The following XKR9 variants were observed in gnomAD, a reference collection of about 807,000 sequenced individuals.
The protein encoded by XKR9 is XK related 9.
Under a neutral mutation model 32.0 loss-of-function variants are expected in XKR9, and 32 were observed. That is an observed-to-expected ratio of 1.00 (90% CI 0.76 to 1.34). The LOEUF (loss-of-function observed/expected upper bound fraction) is 1.34, where lower values mean the gene tolerates loss of function less well. Ranked by LOEUF, XKR9 falls within the 40% of genes most tolerant of loss-of-function variation. The pLI, the probability that XKR9 is intolerant of heterozygous loss-of-function variation, is 0.00. For synonymous variants in XKR9, 168 were observed against 143.4 expected, an observed-to-expected ratio of 1.17 and a Z score of -1.22; for missense variants, 546 against 429.7, an observed-to-expected ratio of 1.27 and a Z score of -2.39.
downstream of XKR9, among the ~76,000 whole-genome samples, chr8:70,790,988 C>T (rs1024652950): frequency 6.6e-6 from 1 of 152,016 alleles, no homozygotes; most frequent in Non-Finnish European, 1.5e-5. Context: ...ATCCCATTCA[C>T]GTGGTCAGAG....
the XKR9 span, among the ~76,000 whole-genome samples, chr8:70,938,766 C>T: frequency 6.6e-6 from 1 of 152,158 alleles, no homozygotes. Flanking sequence ...GTTCTTCCAG[C>T]TGGACATCTT....
At chr8:70,863,128 A>G in the XKR9 span, among the ~76,000 whole-genome samples, 1 of 152,216 alleles carries the variant, frequency 6.6e-6, no homozygotes, top group Admixed American at 6.5e-5. Context: ...CTTGAGGGCT[A>G]TGTTAAGCAC....
At chr8:70,986,741 G>C in the XKR9 span, among the ~76,000 whole-genome samples, 1 of 152,198 alleles carries the variant, frequency 6.6e-6, no homozygotes, top group Non-Finnish European at 1.5e-5. Flanking sequence ...TGAAGAGACT[G>C]AATTAGTAAA....
the XKR9 span, among the ~76,000 whole-genome samples, chr8:70,885,788 G>A: frequency 5.3e-5 from 8 of 152,082 alleles, no homozygotes; most frequent in African/African-American, 1.9e-4. Flanking sequence ...AGTAGAGATG[G>A]GGTTTCACTG....
downstream of XKR9, among the ~76,000 whole-genome samples, chr8:70,736,240 T>G (rs1021931311): frequency 4.8e-4 from 73 of 152,142 alleles, no homozygotes; most frequent in African/African-American, 1.8e-3. Context: ...TTTCATGTGT[T>G]TTTTGGTTGC....
intron 4 of XKR9, among the ~76,000 whole-genome samples, chr8:70,712,804 C>T (rs1805964655): frequency 6.6e-6 from 1 of 152,122 alleles, no homozygotes; most frequent in African/African-American, 2.4e-5. Context: ...GATAGTACCC[C>T]TACATGTCTG....
intron 2 of XKR9, among the ~76,000 whole-genome samples, chr8:70,785,367 T>A (rs1211910226): frequency 6.6e-6 from 1 of 152,014 alleles, no homozygotes; most frequent in Non-Finnish European, 1.5e-5. Flanking sequence ...CCTCTTTCAT[T>A]TCTGATTTTA....
intron 3 of XKR9, among the ~76,000 whole-genome samples, chr8:70,693,450 G>A (rs1805149120): frequency 1.3e-5 from 2 of 152,176 alleles, no homozygotes; most frequent in African/African-American, 2.4e-5. Context: ...TTCCCTGTCA[G>A]TGCTCTGAAA....
At chr8:70,906,868 T>G in the XKR9 span, among the ~76,000 whole-genome samples, 1 of 152,108 alleles carries the variant, frequency 6.6e-6, no homozygotes, top group African/African-American at 2.4e-5. Flanking sequence ...ATATTAAAAT[T>G]TTTAAATTTA....
chr8:70,734,880 C>G lies in XKR9; in HGVS notation c.*456C>G, dbSNP rs1806813907. Reference sequence around the variant, plus strand: ...AGAGGAAAAGGGAAAGAAGGGAAAGCAGAAAACAAATTTTTAGCATCTGCT... The same window carrying G: ...AGAGGAAAAGGGAAAGAAGGGAAAGGAGAAAACAAATTTTTAGCATCTGCT... On this transcript the variant is annotated 3_prime_UTR_variant, in exon 5 of 5. Transcript: ENST00000408926. The G allele has an allele frequency of 6.6e-6, 1 of 152,392 alleles. No individual in the cohort carries two copies. The allele number at this position is 152,392 out of a possible 1,614,324, so 9.4% of individuals were successfully genotyped here.
chr8:70,688,652 G>A (rs1166983804), intron 3 of XKR9, among the ~76,000 whole-genome samples: 3 of 151,456 alleles, frequency 2.0e-5, no homozygotes, highest in Admixed American at 6.6e-5. Context: ...TCCTGACCTC[G>A]TGAGCCGCCC....
the XKR9 span, among the ~76,000 whole-genome samples, chr8:71,043,097 A>T: frequency 0.43 from 65,433 of 152,030 alleles, 15,190 homozygotes; most frequent in East Asian, 0.92. Context: ...TCAACCGCTA[A>T]GTGGTGTGGA....
the XKR9 span, among the ~76,000 whole-genome samples, chr8:70,957,243 A>T: frequency 6.6e-6 from 1 of 152,364 alleles, no homozygotes; most frequent in Middle Eastern, 3.4e-3. Context: ...AGAACAAATC[A>T]TAGAGGTGAG....
chr8:70,737,095 C>A (rs1444298458), downstream of XKR9, among the ~76,000 whole-genome samples: 1 of 151,048 alleles, frequency 6.6e-6, no homozygotes, highest in Admixed American at 6.6e-5. Context: ...TCTTCCTATC[C>A]ATGAGCATGG....
the XKR9 span, among the ~76,000 whole-genome samples, chr8:71,025,207 A>C: frequency 6.6e-6 from 1 of 152,206 alleles, no homozygotes; most frequent in African/African-American, 2.4e-5. Context: ...TGCACTCAAC[A>C]TAGGAACTTC....
At chr8:70,822,623 CA>C in the XKR9 span, among the ~76,000 whole-genome samples, 1 of 151,056 alleles carries the variant, frequency 6.6e-6, no homozygotes, top group East Asian at 1.9e-4. Context: ...GTGGGGATAT[CA>C]GTTAGATAAT....
chr8:70,977,159 C>A, the XKR9 span, among the ~76,000 whole-genome samples: 2 of 151,672 alleles, frequency 1.3e-5, no homozygotes, highest in African/African-American at 2.4e-5. Flanking sequence ...TCTTTTGGTT[C>A]TTTTTAATTT....
At chr8:70,967,605 C>T in the XKR9 span, among the ~76,000 whole-genome samples, 2 of 152,100 alleles carry the variant, frequency 1.3e-5, no homozygotes, top group African/African-American at 4.8e-5. Flanking sequence ...GTGCTTCCTT[C>T]AGGAGCTCTT....
chr8:70,810,233 C>T, the XKR9 span, among the ~76,000 whole-genome samples: 1 of 152,128 alleles, frequency 6.6e-6, no homozygotes, highest in Non-Finnish European at 1.5e-5. Context: ...TACAGACAAG[C>T]AAATGCTGAG....
Sources: allele counts gnomAD v4.1 joint callset (sites outside exome capture counted in the v4.1 genomes callset), GRCh38; gene constraint gnomAD v4.1.1; transcripts MANE v1.5; gene names NCBI Gene and HGNC (gene_info 2026-07-23, HGNC 2026-07-21).